The following WDR20 variants were observed in gnomAD, a reference collection of about 807,000 sequenced individuals.
WDR20 encodes WD repeat-containing protein 20.
Under a neutral mutation model 38.7 loss-of-function variants are expected in WDR20, and 3 were observed. The observed-to-expected ratio is 0.08, with a 90% CI of 0.04 to 0.20. The LOEUF is 0.20. Among genes scored for constraint, WDR20 ranks in the 10% least tolerant of loss-of-function variants. The probability of loss-of-function intolerance (pLI) is 1.00; values close to 1 mark genes in which losing one functional copy is unlikely to be tolerated. For missense variants in WDR20, 559 were observed against 727.7 expected (o/e 0.77, Z 2.67); for synonymous variants, 298 against 285.6 (o/e 1.04, Z -0.44).
Position 102,220,518 on chromosome 14 carries a change from T to C in WDR20, c.1693-2312T>C, listed in dbSNP as rs1453851329. ...GCAGGTGGATCACGAGGTCAGGAGG[T>C]CTTCAAGACCATCCTAACAGTGAAA... is the stretch of plus-strand genomic sequence containing the variant. On this transcript the variant is annotated intron_variant, in intron 3 of 3. Transcript: ENST00000335263. This position sits in a 1 kb window ranked among gnomAD's most constrained non-coding sequence, Gnocchi z 4.2. Among the ~76,000 whole-genome samples, 2 of 151,672 alleles carry C rather than the reference T, an allele frequency of 1.3e-5. No homozygotes were observed. Among genetic ancestry groups the C allele is most frequent in the Admixed American group, 6.6e-5 (1 of 15,230 alleles).
downstream of WDR20, among the ~76,000 whole-genome samples, chr14:102,215,194 T>C (rs1399586517): frequency 6.6e-6 from 1 of 152,248 alleles, no homozygotes; most frequent in Non-Finnish European, 1.5e-5. Flanking sequence ...CTCGATGAAA[T>C]GTTCTGCGTC....
At chr14:102,170,551 T>C (rs2060600088) in intron 1 of WDR20, among the ~76,000 whole-genome samples, 1 of 152,178 alleles carries the variant, frequency 6.6e-6, no homozygotes, top group Non-Finnish European at 1.5e-5. Flanking sequence ...GTTTTGTATA[T>C]TTAAGAGCCA....
chr14:102,167,053 A>G (rs2059906782), intron 1 of WDR20, among the ~76,000 whole-genome samples: 1 of 152,216 alleles, frequency 6.6e-6, no homozygotes, highest in Admixed American at 6.5e-5. Flanking sequence ...TGCTTTTAGC[A>G]TGAAAGACTA....
At chr14:102,160,544 A>G (rs1190640304) in intron 1 of WDR20, among the ~76,000 whole-genome samples, 1 of 152,046 alleles carries the variant, frequency 6.6e-6, no homozygotes, top group Non-Finnish European at 1.5e-5. Flanking sequence ...ATTTTAGTAA[A>G]AGAGAGCTTC....
chr14:102,162,603 C>G (rs924978054), intron 1 of WDR20, among the ~76,000 whole-genome samples: 2 of 151,910 alleles, frequency 1.3e-5, no homozygotes, highest in African/African-American at 4.8e-5. Flanking sequence ...CTTTTTCTTT[C>G]TTTCTCTTGC....
At chr14:102,162,768 G>A (rs969781785) in intron 1 of WDR20, among the ~76,000 whole-genome samples, 18 of 151,976 alleles carry the variant, frequency 1.2e-4, no homozygotes, top group Non-Finnish European at 1.5e-5. Flanking sequence ...GTATCACCAT[G>A]CCCAGCTAAT....
At chr14:102,189,230 AG>A (rs1353766850) in intron 1 of WDR20, among the ~76,000 whole-genome samples, 2 of 152,184 alleles carry the variant, frequency 1.3e-5, no homozygotes, top group Non-Finnish European at 2.9e-5. Flanking sequence ...ATAGTAATGA[AG>A]AAAAAGAAAA....
chr14:102,183,579 G>A (rs1386628483), intron 1 of WDR20, among the ~76,000 whole-genome samples: 1 of 152,226 alleles, frequency 6.6e-6, no homozygotes, highest in Non-Finnish European at 1.5e-5. Flanking sequence ...GAAACAGCTA[G>A]ATATGGTTAA....
At chr14:102,184,835 G>A (rs999784220) in intron 1 of WDR20, among the ~76,000 whole-genome samples, 6 of 152,060 alleles carry the variant, frequency 3.9e-5, no homozygotes, top group African/African-American at 7.2e-5. Context: ...TCAAAGCCTT[G>A]CTGCGGCTAA....
intron 1 of WDR20, among the ~76,000 whole-genome samples, chr14:102,163,948 A>G (rs2059267658): frequency 6.6e-6 from 1 of 152,152 alleles, no homozygotes; most frequent in African/African-American, 2.4e-5. Context: ...TTTAAATTAT[A>G]GAATCGGTGT....
chr14:102,155,562 C>T (rs1289386896), intron 1 of WDR20, among the ~76,000 whole-genome samples: 1 of 152,206 alleles, frequency 6.6e-6, no homozygotes, highest in East Asian at 1.9e-4. Context: ...TGTAGATGTG[C>T]AGACTATGTC....
downstream of WDR20, among the ~76,000 whole-genome samples, chr14:102,216,181 C>T (rs146467853): frequency 1.5e-3 from 223 of 152,352 alleles, 2 homozygotes; most frequent in African/African-American, 5.1e-3. Flanking sequence ...GAACTATCTG[C>T]ACTTTTTGTC....
intron 1 of WDR20, among the ~76,000 whole-genome samples, chr14:102,160,976 C>T (rs1269069806): frequency 1.4e-5 from 2 of 142,038 alleles, no homozygotes; most frequent in African/African-American, 5.1e-5. Context: ...AAGAATAATG[C>T]TGCAGTGAAT....
rs528460947 is a variant in WDR20 at position 102,196,370 on chromosome 14, T to C, written c.432+1250T>C. ...ATATTTTATTTACCTAGATGTTTTT[T>C]TAGTATCATCTGCAGAAGTGATTTC... On this transcript the variant is annotated intron_variant, in intron 2 of 2. Transcript: ENST00000342702. Among the ~76,000 whole-genome samples, 9 of 152,346 alleles carry C rather than the reference T, an allele frequency of 5.9e-5. No homozygotes were observed. In the South Asian group the frequency reaches 1.9e-3, roughly 32 times the overall value.
rs180794838 is a variant in WDR20 at position 102,166,760 on chromosome 14, T to C, written c.249+26588T>C. Among the ~76,000 whole-genome samples the C allele has an allele frequency of 2.0e-4, 30 of 152,364 alleles. No individual in the cohort carries two copies. The East Asian group carries it at 5.6e-3, about 28-fold the overall frequency. On this transcript the variant is annotated intron_variant, in intron 1 of 2. Transcript: ENST00000342702. ...GAATGTCTTTATATGCCTTACTGTC[T>C]TGTCACTCATGAGACTGTCTTTTCC... is the stretch of plus-strand genomic sequence containing the variant.
Position 102,143,644 on chromosome 14 carries a change from A to G in WDR20, c.249+3472A>G, listed in dbSNP as rs2052351384. Reference sequence around the variant, plus strand: ...ACTGCAACCTCTGCCTCCTAGGTTCAAGCGATTCTCCTCCCTCAGCCTCCC... The same window carrying G: ...ACTGCAACCTCTGCCTCCTAGGTTCGAGCGATTCTCCTCCCTCAGCCTCCC... On this transcript the variant is annotated intron_variant, in intron 1 of 2. Transcript: ENST00000342702. Among the ~76,000 whole-genome samples the G allele has an allele frequency of 2.0e-5, 3 of 151,680 alleles. No homozygotes were observed. The South Asian group carries it at 6.3e-4, about 32-fold the overall frequency.
rs115974203 is a variant in WDR20 at position 102,208,371 on chromosome 14, C to T, written c.433-232C>T. On this transcript the variant is annotated intron_variant, in intron 2 of 2. Coordinates refer to ENST00000342702, the MANE Select transcript of WDR20 (RefSeq NM_144574.4). The surrounding 1 kb of genome is among the most constrained non-coding windows in gnomAD (Gnocchi z 5.6). Reference sequence around the variant, plus strand: ...CCCCTCTGCAAATATCTGTTGGCTGCCTGACTCCCTCCGTGAAAGCCAGCA... The same window carrying T: ...CCCCTCTGCAAATATCTGTTGGCTGTCTGACTCCCTCCGTGAAAGCCAGCA... 4.6e-3 allele frequency among the ~76,000 whole-genome samples: 695 copies of T among 152,310 alleles called. 6 individuals carry two copies. The highest frequency in any genetic ancestry group is 0.016 in the African/African-American group (645 of 41,568).
chr14:102,153,339 C>T (rs2056561292), intron 1 of WDR20, among the ~76,000 whole-genome samples: 1 of 134,324 alleles, frequency 7.4e-6, no homozygotes, highest in African/African-American at 2.8e-5. Flanking sequence ...TGGAGTCTTG[C>T]TCTGTCACCC....
intron 1 of WDR20, chr14:102,178,931 G>T (rs916005781): frequency 2.6e-5 from 4 of 151,522 alleles, no homozygotes; most frequent in African/African-American, 9.7e-5. Flanking sequence ...AGATGAGAGA[G>T]GGGAATCTCT....
Sources: gnomAD v4.1 joint callset for allele counts (sites outside exome capture counted in the v4.1 genomes callset) on GRCh38, gnomAD v4.1.1 for gene constraint, Gnocchi (gnomAD v3.1) non-coding constraint, MANE v1.5 for transcripts, NCBI Gene and HGNC (gene_info 2026-07-23, HGNC 2026-07-21) for gene names.